Variants in RIMS2 observed in about 807,000 individuals in gnomAD.
RIMS2 encodes the protein regulating synaptic membrane exocytosis protein 2.
RIMS2 carries 59 observed loss-of-function variants against 174.4 expected under a neutral mutation model. The observed-to-expected ratio is 0.34, with a 90% CI of 0.27 to 0.42. The LOEUF (loss-of-function observed/expected upper bound fraction) is 0.42. RIMS2 is among the 10% of genes least tolerant of loss of function. The pLI, the probability that RIMS2 is intolerant of heterozygous loss-of-function variation, is 1.00. For missense variants in RIMS2, 1,620 were observed against 1,666.3 expected, an observed-to-expected ratio of 0.97 and a Z score of 0.48; for synonymous variants, 606 against 572.5, an observed-to-expected ratio of 1.06 and a Z score of -0.84.
At chr8:103,746,257 G>A (rs2097812099) in intron 2 of RIMS2, among the ~76,000 whole-genome samples, 1 of 151,638 alleles carries the variant, frequency 6.6e-6, no homozygotes, top group Admixed American at 6.6e-5. Context: ...GACCATAGAT[G>A]TATGGGTTTA....
intron 20 of RIMS2, among the ~76,000 whole-genome samples, chr8:104,246,065 A>G (rs755457581): frequency 6.6e-6 from 1 of 152,232 alleles, no homozygotes; most frequent in Non-Finnish European, 1.5e-5. Context: ...TAATCATTGC[A>G]AAGAACTATA....
intron 19 of RIMS2, among the ~76,000 whole-genome samples, chr8:104,097,685 C>T (rs2097786527): frequency 6.6e-6 from 1 of 151,246 alleles, no homozygotes; most frequent in African/African-American, 2.4e-5. Context: ...GGTTACTGTG[C>T]ATTGTGGCAC....
chr8:103,577,997 A>C (rs549899818), intron 1 of RIMS2, among the ~76,000 whole-genome samples: 1 of 152,304 alleles, frequency 6.6e-6, no homozygotes, highest in Admixed American at 6.5e-5. Flanking sequence ...TAAAAGAGCA[A>C]ATCTAAGATT....
At chr8:103,854,002 A>G (rs2099013382) in intron 3 of RIMS2, among the ~76,000 whole-genome samples, 1 of 151,972 alleles carries the variant, frequency 6.6e-6, no homozygotes, top group African/African-American at 2.4e-5. Context: ...AACAATATTG[A>G]TTCTTGCAAT....
intron 16 of RIMS2, among the ~76,000 whole-genome samples, chr8:103,980,285 C>G (rs1489026828): frequency 6.6e-6 from 1 of 152,068 alleles, no homozygotes; most frequent in Non-Finnish European, 1.5e-5. Flanking sequence ...TCAAGAAGCC[C>G]CCGTTCTAGG....
intron 2 of RIMS2, among the ~76,000 whole-genome samples, chr8:103,733,027 T>C (rs919223837): frequency 3.9e-5 from 6 of 152,124 alleles, no homozygotes; most frequent in African/African-American, 1.4e-4. Flanking sequence ...TAGGCTGCAA[T>C]GTGCTGAGTA....
intron 1 of RIMS2, among the ~76,000 whole-genome samples, chr8:103,682,650 A>G (rs2082422780): frequency 6.6e-6 from 1 of 152,178 alleles, no homozygotes; most frequent in Non-Finnish European, 1.5e-5. Flanking sequence ...GAGTCTGCCC[A>G]TATACCACCA....
intron 1 of RIMS2, among the ~76,000 whole-genome samples, chr8:103,656,026 A>G (rs888466357): frequency 3.3e-5 from 5 of 152,184 alleles, no homozygotes; most frequent in Non-Finnish European, 7.4e-5. Flanking sequence ...TTTGCTAGTG[A>G]TAGTGATAAC....
At chr8:104,108,183 T>C (rs1232851549) in intron 19 of RIMS2, among the ~76,000 whole-genome samples, 1 of 152,232 alleles carries the variant, frequency 6.6e-6, no homozygotes, top group Admixed American at 6.5e-5. Flanking sequence ...ATTCAAAGAT[T>C]GGCATGAGTT....
At chr8:103,666,106 C>G (rs1161709023) in intron 1 of RIMS2, among the ~76,000 whole-genome samples, 1 of 152,084 alleles carries the variant, frequency 6.6e-6, no homozygotes, top group East Asian at 1.9e-4. Context: ...GACTTTGGCA[C>G]TGCCACATGG....
chr8:104,248,913 TTCCCTCTCTCTC>T, intron 21 of RIMS2, 100 bp downstream of exon 27: 2 of 537,970 alleles, frequency 3.7e-6, no homozygotes, highest in East Asian at 3.0e-5. Flanking sequence ...CTCTCTCTCT[TTCCCTCTCTCTC>T]TCCCTCTATT....
chr8:103,865,293 T>TC (rs1340127267), intron 3 of RIMS2, among the ~76,000 whole-genome samples: 1 of 146,078 alleles, frequency 6.8e-6, no homozygotes, highest in Non-Finnish European at 1.5e-5. Flanking sequence ...TCTTTTTTTT[T>TC]TTTTTTTTTG....
chr8:104,022,565 A>G (rs2096130266), intron 19 of RIMS2, among the ~76,000 whole-genome samples: 1 of 151,840 alleles, frequency 6.6e-6, no homozygotes. Context: ...TATTTCTAGT[A>G]AAGACGGGTT....
intron 2 of RIMS2, among the ~76,000 whole-genome samples, chr8:103,756,369 T>G (rs1350493278): frequency 6.7e-6 from 1 of 149,590 alleles, no homozygotes; most frequent in Non-Finnish European, 1.5e-5. Flanking sequence ...GGGAGAGTTT[T>G]TTGTTGTTGT....
intron 1 of RIMS2, among the ~76,000 whole-genome samples, chr8:103,634,558 G>A (rs1214707753): frequency 2.6e-5 from 4 of 152,136 alleles, no homozygotes; most frequent in Admixed American, 1.3e-4. Context: ...TGCTGAGTTC[G>A]GGTTCTGAAT....
chr8:104,058,181 A>C (rs1472568725), intron 19 of RIMS2, among the ~76,000 whole-genome samples: 2 of 150,456 alleles, frequency 1.3e-5, no homozygotes, highest in Non-Finnish European at 3.0e-5. Context: ...TTACAGTCCC[A>C]CCAACAGTGT....
intron 1 of RIMS2, among the ~76,000 whole-genome samples, chr8:103,503,149 G>A (rs150767940): frequency 6.6e-6 from 1 of 151,798 alleles, no homozygotes; most frequent in African/African-American, 2.4e-5. Context: ...ATATTTGTTT[G>A]CATTGCTACC....
intron 1 of RIMS2, among the ~76,000 whole-genome samples, chr8:103,633,931 G>C (rs902493800): frequency 2.0e-5 from 3 of 151,934 alleles, no homozygotes; most frequent in Admixed American, 2.0e-4. Flanking sequence ...TTCTTTATTA[G>C]TCTAGTTAGT....
intron 14 of RIMS2, among the ~76,000 whole-genome samples, chr8:103,956,535 A>G (rs2087284915): frequency 6.6e-6 from 1 of 152,232 alleles, no homozygotes; most frequent in South Asian, 2.1e-4. Flanking sequence ...TGTTCAGAAA[A>G]GTGGCTAGCC....
Sources: allele counts gnomAD v4.1 joint callset (sites outside exome capture counted in the v4.1 genomes callset), GRCh38; gene constraint gnomAD v4.1.1; transcripts MANE v1.5; gene names NCBI Gene and HGNC (gene_info 2026-07-23, HGNC 2026-07-21).